OXR1: variants seen among roughly 807,000 people sequenced by gnomAD.
OXR1 encodes oxidation resistance protein 1.
In OXR1, 41 loss-of-function variants were observed where a neutral mutation model predicts 104.6. That is an observed-to-expected ratio of 0.39 (90% CI 0.31 to 0.51). OXR1 has a LOEUF of 0.51. Among genes scored for constraint, OXR1 ranks in the 20% least tolerant of loss-of-function variants. The probability of loss-of-function intolerance (pLI) is 0.77; values close to 1 mark genes in which losing one functional copy is unlikely to be tolerated. For synonymous variants in OXR1, 348 were observed against 348.4 expected, an observed-to-expected ratio of 1.00 and a Z score of 0.01; for missense variants, 955 against 1,031.9, an observed-to-expected ratio of 0.93 and a Z score of 1.02.
chr8:106,284,841 T>G (rs1011354472), intron 1 of OXR1, among the ~76,000 whole-genome samples: 3 of 152,176 alleles, frequency 2.0e-5, no homozygotes, highest in Admixed American at 1.3e-4. Flanking sequence ...ATTATTCAGC[T>G]GTTTGCTTGC....
At chr8:106,534,625 C>G (rs947857639) in intron 3 of OXR1, among the ~76,000 whole-genome samples, 41 of 152,208 alleles carry the variant, frequency 2.7e-4, no homozygotes, top group African/African-American at 9.6e-4. Flanking sequence ...TAGCAATTCA[C>G]TGGCTATTTT....
intron 1 of OXR1, among the ~76,000 whole-genome samples, chr8:106,275,967 C>G (rs1368365244): frequency 6.6e-6 from 1 of 152,104 alleles, no homozygotes; most frequent in African/African-American, 2.4e-5. Flanking sequence ...GCTTATTCAT[C>G]TTAAGAAAAA....
chr8:106,590,208 A>C (rs1041124145), intron 3 of OXR1, among the ~76,000 whole-genome samples: 12 of 152,198 alleles, frequency 7.9e-5, no homozygotes, highest in Admixed American at 7.2e-4. Context: ...CCTTTTTGAA[A>C]TCAGTTATTA....
chr8:106,544,236 GTGT>G (rs1815178655), intron 3 of OXR1, among the ~76,000 whole-genome samples: 1 of 149,014 alleles, frequency 6.7e-6, no homozygotes. Flanking sequence ...TTATAAGATG[GTGT>G]TCTTGTCAAG....
At chr8:106,277,839 G>C (rs778101939) in intron 1 of OXR1, among the ~76,000 whole-genome samples, 4 of 152,198 alleles carry the variant, frequency 2.6e-5, no homozygotes, top group Non-Finnish European at 5.9e-5. Flanking sequence ...GCTGTTCCTA[G>C]AAATTCCAGC....
chr8:106,692,206 G>A lies in OXR1; in HGVS notation c.526-522G>A, dbSNP rs1424260968. ...AAAAAGTTAAGAAACTTGTGATCTAGTGGAATGGGATTTATCAACTGTAGC... is the reference window on the plus strand; with the variant it reads ...AAAAAGTTAAGAAACTTGTGATCTAATGGAATGGGATTTATCAACTGTAGC... On this transcript the variant is annotated intron_variant, in intron 6 of 16. Transcript: ENST00000517566. Among the ~76,000 whole-genome samples the A allele has an allele frequency of 3.9e-5, 6 of 152,152 alleles. No homozygotes were observed. In the East Asian group the frequency reaches 1.2e-3, roughly 29 times the overall value.
intron 3 of OXR1, among the ~76,000 whole-genome samples, chr8:106,660,107 G>A (rs1333347377): frequency 6.6e-6 from 1 of 152,176 alleles, no homozygotes; most frequent in Non-Finnish European, 1.5e-5. Flanking sequence ...TGTAAATGAG[G>A]TTGGATTTGG....
At position 106,710,625 on chromosome 8, in the gene OXR1, C is replaced by T. The variant is rs779088272; in HGVS notation, c.1628C>T (p.Ser543Phe). The T allele has an allele frequency of 1.3e-6, 2 of 1,583,106 alleles. No homozygotes were observed. The highest frequency in any genetic ancestry group is 1.2e-5 in the South Asian group (1 of 85,934). The change falls in exon 10 of 17, where the codon TCT (serine) becomes TTT (phenylalanine). Residue 543 changes from serine to phenylalanine, a missense_variant. Physicochemically the swap from Ser to Phe is radical, Grantham distance 155 (BLOSUM62 -2). Transcript: ENST00000517566. ...ITSADGHIESSALLKEKQRHR... is the reference protein window; with the variant it reads ...ITSADGHIESFALLKEKQRHR... Reference sequence around the variant, plus strand: ...ACTGTTTGCATCTCAATTCTAGGTTCTGCACTTTTAAAAGAAAAGCAAAGG... The same window carrying T: ...ACTGTTTGCATCTCAATTCTAGGTTTTGCACTTTTAAAAGAAAAGCAAAGG...
chr8:106,518,566 C>A (rs1813024646), intron 2 of OXR1, among the ~76,000 whole-genome samples: 1 of 152,016 alleles, frequency 6.6e-6, no homozygotes. Context: ...TTTTATTATT[C>A]TTTTTGGAGT....
intron 2 of OXR1, among the ~76,000 whole-genome samples, chr8:106,377,323 C>T (rs892620331): frequency 2.0e-5 from 3 of 151,684 alleles, no homozygotes; most frequent in Non-Finnish European, 4.4e-5. Flanking sequence ...GATGGGACTA[C>T]AGCATGCACC....
intron 2 of OXR1, among the ~76,000 whole-genome samples, chr8:106,368,825 A>C (rs1816593091): frequency 6.6e-6 from 1 of 152,132 alleles, no homozygotes; most frequent in South Asian, 2.1e-4. Context: ...GGTTGGTTCC[A>C]TGTCTTTGCT....
intron 2 of OXR1, among the ~76,000 whole-genome samples, chr8:106,450,953 A>G (rs1195367403): frequency 2.0e-5 from 3 of 152,146 alleles, no homozygotes; most frequent in Non-Finnish European, 4.4e-5. Context: ...GTAAAGCAGC[A>G]AACTGTGATA....
chr8:106,668,979 G>C (rs1375584637), intron 3 of OXR1, among the ~76,000 whole-genome samples: 1 of 152,084 alleles, frequency 6.6e-6, no homozygotes, highest in East Asian at 1.9e-4. Flanking sequence ...CAATGCAGCT[G>C]GTCCCTGGAA....
At chr8:106,512,458 TG>T (rs75985151) in intron 2 of OXR1, among the ~76,000 whole-genome samples, 61,461 of 151,534 alleles carry the variant, frequency 0.41, 14,727 homozygotes, top group Non-Finnish European at 0.53. Context: ...GAAGAAGATC[TG>T]TTTTTTTTTC....
intron 3 of OXR1, among the ~76,000 whole-genome samples, chr8:106,675,245 C>T (rs1373782249): frequency 6.6e-6 from 1 of 152,086 alleles, no homozygotes; most frequent in Non-Finnish European, 1.5e-5. Context: ...CCATTGGTAA[C>T]AGAATAATCA....
At chr8:106,590,061 C>T (rs187165635) in intron 3 of OXR1, among the ~76,000 whole-genome samples, 1,797 of 152,232 alleles carry the variant, frequency 0.012, 23 homozygotes, top group Non-Finnish European at 0.02. Context: ...ATTCCCAAAA[C>T]GACAAAACAC....
intron 3 of OXR1, among the ~76,000 whole-genome samples, chr8:106,621,241 T>A (rs1040561699): frequency 5.9e-5 from 9 of 152,120 alleles, no homozygotes; most frequent in African/African-American, 1.9e-4. Flanking sequence ...CCCCACTTCC[T>A]TTCCTGCCTT....
chr8:106,668,104 A>G (rs1296277547), intron 3 of OXR1, among the ~76,000 whole-genome samples: 1 of 152,020 alleles, frequency 6.6e-6, no homozygotes, highest in African/African-American at 2.4e-5. Context: ...ACATCCTAAT[A>G]TTTACTCATT....
At chr8:106,606,245 A>G (rs1044013800) in intron 3 of OXR1, among the ~76,000 whole-genome samples, 1 of 151,910 alleles carries the variant, frequency 6.6e-6, no homozygotes, top group Non-Finnish European at 1.5e-5. Flanking sequence ...CAAAGCCAGC[A>G]ATGTCCCAGC....
Sources: allele counts gnomAD v4.1 joint callset (sites outside exome capture counted in the v4.1 genomes callset), GRCh38; gene constraint gnomAD v4.1.1; transcripts MANE v1.5; gene names NCBI Gene and HGNC (gene_info 2026-07-23, HGNC 2026-07-21).